Variants in RAP1GDS1 observed in about 807,000 individuals in gnomAD.
RAP1GDS1 encodes the protein RAP1, GTP-GDP dissociation stimulator 1.
Under a neutral mutation model 71.1 loss-of-function variants are expected in RAP1GDS1, and 35 were observed. The ratio of observed to expected loss-of-function variants is 0.49; its 90% confidence interval spans 0.38 to 0.65. The LOEUF is 0.65. Ranked by LOEUF, RAP1GDS1 falls within the 30% of genes least tolerant of loss-of-function variation. RAP1GDS1 has a pLI of 0.00. For missense variants in RAP1GDS1, 663 were observed against 706.1 expected (o/e 0.94, Z 0.69); for synonymous variants, 229 against 243.1 (o/e 0.94, Z 0.54).
chr4:98,270,908 T>G (rs894464570), intron 1 of RAP1GDS1, among the ~76,000 whole-genome samples: 3 of 152,168 alleles, frequency 2.0e-5, no homozygotes, highest in African/African-American at 7.2e-5. Flanking sequence ...GAACAGTAAA[T>G]ACATTTTCTC....
At chr4:98,272,644 C>T (rs1052208386) in intron 1 of RAP1GDS1, among the ~76,000 whole-genome samples, 4 of 151,978 alleles carry the variant, frequency 2.6e-5, no homozygotes, top group African/African-American at 7.3e-5. Flanking sequence ...ATGGTTTCAC[C>T]GGGATTCAGA....
At chr4:98,360,771 G>A (rs184873174) in intron 4 of RAP1GDS1, among the ~76,000 whole-genome samples, 6 of 152,170 alleles carry the variant, frequency 3.9e-5, no homozygotes, top group Admixed American at 2.0e-4. Context: ...TAAATGCTAC[G>A]TAAAAGTGAA....
At chr4:98,267,019 T>G (rs944988876) in intron 1 of RAP1GDS1, among the ~76,000 whole-genome samples, 1 of 152,196 alleles carries the variant, frequency 6.6e-6, no homozygotes, top group African/African-American at 2.4e-5. Flanking sequence ...GGAGGAAGAT[T>G]CAGTCCTTTG....
rs938531514 is a variant in RAP1GDS1 at position 98,434,081 on chromosome 4, A to G, written c.1567+19A>G. The G allele has an allele frequency of 2.5e-6, 4 of 1,610,002 alleles. No individual in the cohort carries two copies. Among genetic ancestry groups the G allele is most frequent in the Non-Finnish European group, 2.5e-6 (3 of 1,177,038 alleles). On this transcript the variant is annotated intron_variant, in intron 13 of 14. Coordinates refer to ENST00000408927, the MANE Select transcript of RAP1GDS1 (RefSeq NM_001100427.2). ...GAATTGGGTAAGTACCCCAGTGACA[A>G]ACTTATTTTCTTCTATTTTTATCTT...
In RAP1GDS1 at chr4:98,443,018, T is replaced by TTTTTTC. The variant is rs1554008717; in HGVS notation, c.*906_*907insCTTTTT. The TTTTTTC allele has an allele frequency of 2.2e-5, 4 of 184,270 alleles. No individual in the cohort carries two copies. Among genetic ancestry groups the TTTTTTC allele is most frequent in the African/African-American group, 1.1e-4 (4 of 36,580 alleles). 11.4% of individuals were successfully genotyped at this position (184,270 alleles called of 1,614,324 possible). A position where few individuals can be genotyped will look rare whatever the true frequency, so the allele number is the denominator to read the frequency against. ...GTATAGTTCATTGAAGAATGGAATT[T>TTTTTTC]TTTTTTTTTTTTTTTTTTTTGCTGT... On this transcript the variant is annotated 3_prime_UTR_variant, in exon 15 of 15. Coordinates refer to ENST00000408927, the MANE Select transcript of RAP1GDS1 (RefSeq NM_001100427.2).
intron 5 of RAP1GDS1, among the ~76,000 whole-genome samples, 197 bp from the exon 6 acceptor site, chr4:98,391,755 G>A (rs2110127387): frequency 6.6e-6 from 1 of 152,134 alleles, no homozygotes; most frequent in African/African-American, 2.4e-5. Flanking sequence ...TTATTCAAAG[G>A]ATTCAAAACT....
At chr4:98,282,902 T>C (rs1430597430) in intron 1 of RAP1GDS1, among the ~76,000 whole-genome samples, 1 of 152,208 alleles carries the variant, frequency 6.6e-6, no homozygotes, top group African/African-American at 2.4e-5. Flanking sequence ...AGGAGCGGGT[T>C]GTTCAGTTTC....
chr4:98,408,668 T>C (rs866382382), intron 7 of RAP1GDS1, among the ~76,000 whole-genome samples: 2 of 152,184 alleles, frequency 1.3e-5, no homozygotes, highest in African/African-American at 4.8e-5. Context: ...GCAAATTTAC[T>C]CTAGTAATAT....
At chr4:98,409,590 C>T (rs543563522) in intron 7 of RAP1GDS1, 27 of 197,658 alleles carry the variant, frequency 1.4e-4, no homozygotes, top group Non-Finnish European at 2.1e-4. Flanking sequence ...GCCAAGATAC[C>T]TCCCCGAAAC....
At position 98,442,250 on chromosome 4, in the gene RAP1GDS1, C is replaced by A; in HGVS notation, c.*133C>A. The A allele has an allele frequency of 8.3e-7, 1 of 1,204,548 alleles. No individual in the cohort carries two copies. The allele number at this position is 1,204,548 out of a possible 1,614,324, so 74.6% of individuals were successfully genotyped here. A position where few individuals can be genotyped will look rare whatever the true frequency, so the allele number is the denominator to read the frequency against. On this transcript the variant is annotated 3_prime_UTR_variant, in exon 15 of 15. Transcript: ENST00000408927. ...TGTTCTAATACCAATTGAAGAACCG[C>A]TGTAGGTACCTCCCTAATAAGATTT...
chr4:98,394,643 C>T (rs1744247474), intron 6 of RAP1GDS1, among the ~76,000 whole-genome samples: 1 of 152,002 alleles, frequency 6.6e-6, no homozygotes, highest in Non-Finnish European at 1.5e-5. Flanking sequence ...TACATACAGT[C>T]AAGAGCTTCT....
At chr4:98,286,915 G>GAATGAAA (rs917914461) in intron 1 of RAP1GDS1, among the ~76,000 whole-genome samples, 2 of 140,094 alleles carry the variant, frequency 1.4e-5, no homozygotes, top group Non-Finnish European at 3.1e-5. Context: ...AAAAAAGAAT[G>GAATGAAA]AATGAAAAAT....
chr4:98,272,286 A>G (rs1014821141), intron 1 of RAP1GDS1, among the ~76,000 whole-genome samples: 3 of 152,200 alleles, frequency 2.0e-5, no homozygotes, highest in Admixed American at 1.3e-4. Flanking sequence ...ATTTTTGCCA[A>G]TGGGAAGTAA....
chr4:98,398,558 C>G (rs1024300673), intron 6 of RAP1GDS1, among the ~76,000 whole-genome samples: 6 of 152,102 alleles, frequency 3.9e-5, no homozygotes, highest in Non-Finnish European at 8.8e-5. Context: ...GAAGAAAATG[C>G]AATGTTGCCT....
chr4:98,261,853 C>G (rs988538953), intron 1 of RAP1GDS1, among the ~76,000 whole-genome samples: 4 of 152,084 alleles, frequency 2.6e-5, no homozygotes, highest in Non-Finnish European at 5.9e-5. Context: ...TTCTTCCTGC[C>G]GGTGCCCGGG....
chr4:98,411,077 T>G (rs1422983738), intron 7 of RAP1GDS1, among the ~76,000 whole-genome samples: 1 of 152,222 alleles, frequency 6.6e-6, no homozygotes, highest in Non-Finnish European at 1.5e-5. Context: ...AAAAAAAGTT[T>G]TAAAATACCT....
intron 4 of RAP1GDS1, among the ~76,000 whole-genome samples, chr4:98,359,209 G>A (rs1478151299): frequency 6.6e-6 from 1 of 152,098 alleles, no homozygotes; most frequent in Non-Finnish European, 1.5e-5. Context: ...GATTTACGGA[G>A]TGGGAATTCG....
intron 5 of RAP1GDS1, among the ~76,000 whole-genome samples, chr4:98,381,172 T>C (rs1343919749): frequency 6.6e-6 from 1 of 151,690 alleles, no homozygotes; most frequent in African/African-American, 2.4e-5. Context: ...TATATTAACT[T>C]TTCTCTGAAT....
intron 8 of RAP1GDS1, 31 bp downstream of exon 8, chr4:98,416,919 G>A (rs768179742): frequency 2.5e-6 from 4 of 1,602,594 alleles, no homozygotes; most frequent in Non-Finnish European, 2.6e-6. Context: ...GCCAAAGAAT[G>A]TGGTTGTCAG....
Sources: allele counts gnomAD v4.1 joint callset (sites outside exome capture counted in the v4.1 genomes callset), GRCh38; gene constraint gnomAD v4.1.1; transcripts MANE v1.5; gene names NCBI Gene and HGNC (gene_info 2026-07-23, HGNC 2026-07-21).